NBAS: variants seen among roughly 807,000 people sequenced by gnomAD.
The protein encoded by NBAS is NAG/BC035112 fusion.
Under a neutral mutation model 302.5 loss-of-function variants are expected in NBAS, and 219 were observed. That is an observed-to-expected ratio of 0.72 (90% CI 0.65 to 0.81). The LOEUF (loss-of-function observed/expected upper bound fraction) is 0.81, where lower values mean the gene tolerates loss of function less well. Among genes scored for constraint, NBAS ranks in the 30% least tolerant of loss-of-function variants. NBAS has a pLI of 0.00. For synonymous variants in NBAS, 1,118 were observed against 1,021.6 expected, an observed-to-expected ratio of 1.09 and a Z score of -1.80; for missense variants, 2,932 against 2,841.6, an observed-to-expected ratio of 1.03 and a Z score of -0.72.
chr2:15,025,052 A>G, the NBAS span, among the ~76,000 whole-genome samples: 2 of 152,098 alleles, frequency 1.3e-5, no homozygotes, highest in Admixed American at 1.3e-4. Context: ...CCAATGTCCA[A>G]AATGGTATTT....
At chr2:15,424,773 C>G (rs182255021) in intron 22 of NBAS, among the ~76,000 whole-genome samples, 11 of 152,268 alleles carry the variant, frequency 7.2e-5, no homozygotes, top group Admixed American at 4.6e-4. Flanking sequence ...CCGAGGGAAG[C>G]TTTTACAAAA....
At chr2:15,523,967 G>C (rs1662799895) in intron 9 of NBAS, among the ~76,000 whole-genome samples, 1 of 152,030 alleles carries the variant, frequency 6.6e-6, no homozygotes, top group Non-Finnish European at 1.5e-5. Context: ...TCTACTAACA[G>C]TGAACACTGA....
At chr2:15,259,578 G>T (rs1668758745) in intron 44 of NBAS, among the ~76,000 whole-genome samples, 2 of 152,152 alleles carry the variant, frequency 1.3e-5, no homozygotes, top group South Asian at 4.1e-4. Flanking sequence ...CACCTAGTGT[G>T]TTTCCTGAAG....
the NBAS span, among the ~76,000 whole-genome samples, chr2:14,832,920 A>G: frequency 1.3e-5 from 2 of 152,192 alleles, no homozygotes; most frequent in Non-Finnish European, 2.9e-5. Context: ...CCACTGTTCT[A>G]TACCATAACC....
At chr2:14,826,079 G>A in the NBAS span, among the ~76,000 whole-genome samples, 1 of 152,162 alleles carries the variant, frequency 6.6e-6, no homozygotes, top group Non-Finnish European at 1.5e-5. Context: ...TGTTTCAAGA[G>A]GCTAAATGAG....
chr2:14,871,760 GTGA>G, the NBAS span, among the ~76,000 whole-genome samples: 1 of 151,992 alleles, frequency 6.6e-6, no homozygotes, highest in African/African-American at 2.4e-5. Flanking sequence ...TTAAAATATT[GTGA>G]TAATATAATA....
chr2:15,370,847 G>C (rs13398709), intron 31 of NBAS, among the ~76,000 whole-genome samples: 6,067 of 152,266 alleles, frequency 0.04, 405 homozygotes, highest in African/African-American at 0.14. Flanking sequence ...GAAGGGACTT[G>C]TCCTGTCACA....
the NBAS span, among the ~76,000 whole-genome samples, chr2:14,809,502 T>A: frequency 6.6e-6 from 1 of 152,202 alleles, no homozygotes; most frequent in African/African-American, 2.4e-5. Context: ...AGCCTGTGGG[T>A]GCACAGAAGT....
At chr2:14,824,506 C>T in the NBAS span, among the ~76,000 whole-genome samples, 2 of 152,014 alleles carry the variant, frequency 1.3e-5, no homozygotes, top group African/African-American at 2.4e-5. Context: ...ATACTCAAAA[C>T]CAATAAATCT....
chr2:15,167,600 C>T (rs1020231706), intron 51 of NBAS, among the ~76,000 whole-genome samples: 9 of 152,198 alleles, frequency 5.9e-5, no homozygotes, highest in African/African-American at 2.2e-4. Context: ...GTACCAGCAT[C>T]TCTTCACCAA....
At chr2:14,891,121 T>C in the NBAS span, among the ~76,000 whole-genome samples, 1 of 152,170 alleles carries the variant, frequency 6.6e-6, no homozygotes, top group South Asian at 2.1e-4. Flanking sequence ...CACATCTAAA[T>C]GTTTTGTCAA....
At chr2:15,209,518 T>C (rs1666310156) in intron 48 of NBAS, among the ~76,000 whole-genome samples, 1 of 152,050 alleles carries the variant, frequency 6.6e-6, no homozygotes, top group Non-Finnish European at 1.5e-5. Flanking sequence ...ATATCATTGA[T>C]AAATAAATAC....
the NBAS span, among the ~76,000 whole-genome samples, chr2:15,103,746 T>C: frequency 2.0e-4 from 30 of 152,174 alleles, no homozygotes; most frequent in Admixed American, 2.0e-3. Flanking sequence ...GCCTGGCACA[T>C]ATTCAAGGAC....
intron 48 of NBAS, among the ~76,000 whole-genome samples, chr2:15,197,182 A>G (rs765116333): frequency 6.6e-6 from 1 of 152,198 alleles, no homozygotes; most frequent in Non-Finnish European, 1.5e-5. Context: ...AGCCGTCTCA[A>G]TGCTATGTAT....
intron 48 of NBAS, among the ~76,000 whole-genome samples, chr2:15,198,504 G>C (rs1274964701): frequency 6.6e-6 from 1 of 152,204 alleles, no homozygotes; most frequent in Non-Finnish European, 1.5e-5. Context: ...GGAGTCAACA[G>C]AGGGATGCTG....
chr2:15,281,423 A>C (rs1419407569), intron 42 of NBAS, among the ~76,000 whole-genome samples: 47 of 152,226 alleles, frequency 3.1e-4, no homozygotes, highest in Non-Finnish European at 1.5e-5. Context: ...CTTATCATTG[A>C]TACCCATACT....
the NBAS span, among the ~76,000 whole-genome samples, chr2:14,916,724 T>G: frequency 6.6e-6 from 1 of 152,252 alleles, no homozygotes; most frequent in Non-Finnish European, 1.5e-5. Context: ...TGATAATTTA[T>G]TGACTCTTCC....
chr2:15,195,892 A>T (rs35498838), intron 48 of NBAS, among the ~76,000 whole-genome samples: 10,990 of 152,258 alleles, frequency 0.072, 438 homozygotes, highest in East Asian at 0.14. Flanking sequence ...CTGCGCACAC[A>T]GCCCCTTCCA....
At chr2:15,049,645 G>A in the NBAS span, among the ~76,000 whole-genome samples, 6 of 152,236 alleles carry the variant, frequency 3.9e-5, no homozygotes, top group East Asian at 1.2e-3. Context: ...TGAATTCCCA[G>A]CCCAGAGGGG....
Sources: gnomAD v4.1 joint callset for allele counts (sites outside exome capture counted in the v4.1 genomes callset) on GRCh38, gnomAD v4.1.1 for gene constraint, MANE v1.5 for transcripts, NCBI Gene and HGNC (gene_info 2026-07-23, HGNC 2026-07-21) for gene names.